The following PRKAR1A variants were observed in gnomAD, a reference collection of about 807,000 sequenced individuals.
PRKAR1A encodes protein kinase cAMP-dependent type I regulatory subunit alpha, also known as cAMP-dependent protein kinase type I-alpha regulatory subunit.
PRKAR1A carries 3 observed loss-of-function variants against 52.0 expected under a neutral mutation model. The observed-to-expected ratio is 0.06, with a 90% confidence interval of 0.03 to 0.15. The LOEUF is 0.15. Among genes scored for constraint, PRKAR1A ranks in the 10% least tolerant of loss-of-function variants. The pLI, the probability that PRKAR1A is intolerant of heterozygous loss-of-function variation, is 1.00. For synonymous variants in PRKAR1A, 188 were observed against 168.4 expected, an observed-to-expected ratio of 1.12 and a Z score of -0.90; for missense variants, 240 against 477.4, an observed-to-expected ratio of 0.50 and a Z score of 4.63.
chr17:68,499,405 A>G, the PRKAR1A span, among the ~76,000 whole-genome samples: 28 of 147,234 alleles, frequency 1.9e-4, no homozygotes, highest in South Asian at 4.3e-4. Flanking sequence ...AGAGAGAGAG[A>G]GGAGGGATAT....
the PRKAR1A span, among the ~76,000 whole-genome samples, chr17:68,453,552 C>T: frequency 4.7e-5 from 7 of 150,002 alleles, no homozygotes; most frequent in Admixed American, 4.7e-4. Context: ...CATCACAGCT[C>T]ACTCCAACCT....
chr17:68,532,065 A>C lies in PRKAR1A; in HGVS notation c.*1616A>C. 1 of 1,065,400 alleles carries C rather than the reference A, an allele frequency of 9.4e-7. No individual in the cohort carries two copies. Among genetic ancestry groups the C allele is most frequent in the Non-Finnish European group, 1.1e-6 (1 of 879,098 alleles). The allele number at this position is 1,065,400 out of a possible 1,614,324, so 66.0% of individuals were successfully genotyped here. A position where few individuals can be genotyped will look rare whatever the true frequency, so the allele number is the denominator to read the frequency against. ...AGGTTGTTACCAAGTATGAAGTATA[A>C]ATCTGGGGAAGAGGTTTTATTTACA... On this transcript the variant is annotated 3_prime_UTR_variant, in exon 11 of 11. Transcript: ENST00000589228.
chr17:68,457,907 G>A, the PRKAR1A span, among the ~76,000 whole-genome samples: 5 of 152,216 alleles, frequency 3.3e-5, no homozygotes, highest in African/African-American at 1.2e-4. Flanking sequence ...AAGAAGGAAT[G>A]CGGCTGGGGC....
the PRKAR1A span, among the ~76,000 whole-genome samples, chr17:68,417,733 A>ATTTTTTTTTTTTTTTTTTTT: frequency 4.9e-5 from 3 of 60,788 alleles, no homozygotes; most frequent in African/African-American, 6.2e-5. Context: ...GAGTTGCTGA[A>ATTTTTTTTTTTTTTTTTTTT]TTTTTTTTTT....
chr17:68,462,886 G>C, the PRKAR1A span, among the ~76,000 whole-genome samples: 1 of 152,116 alleles, frequency 6.6e-6, no homozygotes, highest in East Asian at 1.9e-4. Context: ...CTCTTCAAAG[G>C]GCACCAGCAC....
At chr17:68,463,709 G>A in the PRKAR1A span, among the ~76,000 whole-genome samples, 1 of 152,148 alleles carries the variant, frequency 6.6e-6, no homozygotes, top group African/African-American at 2.4e-5. Flanking sequence ...AAGGGAGCAG[G>A]TTATGCAGTC....
chr17:68,428,029 T>C, the PRKAR1A span, among the ~76,000 whole-genome samples: 1 of 152,206 alleles, frequency 6.6e-6, no homozygotes, highest in Admixed American at 6.5e-5. Flanking sequence ...TAGCTGGGAC[T>C]ACAAGGCATG....
the PRKAR1A span, chr17:68,422,047 G>T: frequency 6.9e-6 from 4 of 579,138 alleles, no homozygotes; most frequent in Non-Finnish European, 1.2e-5. Flanking sequence ...ATGTCTCTGT[G>T]TGTGTGTGTA....
At chr17:68,426,363 G>A in the PRKAR1A span, among the ~76,000 whole-genome samples, 1 of 152,024 alleles carries the variant, frequency 6.6e-6, no homozygotes, top group South Asian at 2.1e-4. Flanking sequence ...AGCCTGACCT[G>A]CCTTTCCACT....
the PRKAR1A span, among the ~76,000 whole-genome samples, chr17:68,485,119 T>C: frequency 6.6e-6 from 1 of 152,242 alleles, no homozygotes; most frequent in Non-Finnish European, 1.5e-5. Context: ...GCCTTTCTGC[T>C]AATTAGATTA....
At chr17:68,450,632 G>T in the PRKAR1A span, 1 of 1,451,910 alleles carries the variant, frequency 6.9e-7, no homozygotes, top group East Asian at 2.3e-5. Context: ...AGAATTGGAA[G>T]CTTGTTTTAC....
At position 68,530,561 on chromosome 17, in the gene PRKAR1A, CCTGT is replaced by C. The variant is rs1212583093; in HGVS notation, c.*117_*120del. On this transcript the variant is annotated 3_prime_UTR_variant, in exon 11 of 11. Transcript: ENST00000589228. Reference sequence around the variant, plus strand: ...CAAGTGGCCACTGGCATCGCAGCTTCCTGTCTGTTTATATATTGAAAGTTGCTTT... The same window carrying C: ...CAAGTGGCCACTGGCATCGCAGCTTCCTGTTTATATATTGAAAGTTGCTTT... 2.5e-6 allele frequency: 4 copies of C among 1,592,468 alleles called. No individual in the cohort carries two copies. Among genetic ancestry groups the C allele is most frequent in the South Asian group, 2.3e-5 (2 of 88,728 alleles).
chr17:68,432,175 G>A, the PRKAR1A span, among the ~76,000 whole-genome samples: 3 of 152,180 alleles, frequency 2.0e-5, no homozygotes, highest in Admixed American at 2.0e-4. Context: ...ATGAAGGAGC[G>A]AGAAGGGAGC....
At chr17:68,433,777 T>TTGTTTTTG in the PRKAR1A span, among the ~76,000 whole-genome samples, 1 of 63,656 alleles carries the variant, frequency 1.6e-5, no homozygotes, top group African/African-American at 4.9e-5. Context: ...TTTTTTTTTT[T>TTGTTTTTG]TTTTTTTTTT....
upstream of PRKAR1A, among the ~76,000 whole-genome samples, chr17:68,508,267 G>A (rs1213682068): frequency 6.6e-6 from 1 of 152,152 alleles, no homozygotes; most frequent in Non-Finnish European, 1.5e-5. Flanking sequence ...CAATAGCAAA[G>A]ACATGGAATC....
At chr17:68,434,065 C>T in the PRKAR1A span, among the ~76,000 whole-genome samples, 5 of 152,108 alleles carry the variant, frequency 3.3e-5, no homozygotes, top group East Asian at 5.8e-4. Context: ...CCACCGCGCC[C>T]GGCCCATAGT....
At chr17:68,516,270 A>G (rs982806513) in intron 2 of PRKAR1A, among the ~76,000 whole-genome samples, 5 of 152,212 alleles carry the variant, frequency 3.3e-5, no homozygotes, top group Admixed American at 3.3e-4. Flanking sequence ...ATAATTTTAC[A>G]TCAGGGATAA....
the PRKAR1A span, among the ~76,000 whole-genome samples, chr17:68,491,514 CCTTGCAGGA>C: frequency 3.9e-5 from 6 of 152,112 alleles, no homozygotes; most frequent in Non-Finnish European, 8.8e-5. Flanking sequence ...TTGAATATGA[CCTTGCAGGA>C]CTTGATGCTT....
the PRKAR1A span, among the ~76,000 whole-genome samples, chr17:68,437,346 G>A: frequency 6.6e-6 from 1 of 152,092 alleles, no homozygotes; most frequent in Admixed American, 6.6e-5. Flanking sequence ...CCTGAGGTCA[G>A]GAGTTCGAGA....
Sources: allele counts gnomAD v4.1 joint callset (sites outside exome capture counted in the v4.1 genomes callset), GRCh38; gene constraint gnomAD v4.1.1; transcripts MANE v1.5; gene names NCBI Gene and HGNC (gene_info 2026-07-23, HGNC 2026-07-21).